Variants in HECW1 observed in about 807,000 individuals in gnomAD.
The protein encoded by HECW1 is HECT, C2 and WW domain containing E3 ubiquitin protein ligase 1.
In HECW1, 61 loss-of-function variants were observed where a neutral mutation model predicts 182.3. The ratio of observed to expected loss-of-function variants is 0.33; its 90% CI spans 0.27 to 0.41. HECW1 has a LOEUF of 0.41. HECW1 is among the 10% of genes least tolerant of loss of function. HECW1 has a pLI of 1.00. For synonymous variants in HECW1, 859 were observed against 832.6 expected (o/e 1.03, Z -0.55); for missense variants, 1,739 against 2,108.9 (o/e 0.82, Z 3.44).
intron 2 of HECW1, among the ~76,000 whole-genome samples, chr7:43,136,593 A>C (rs542747714): frequency 2.0e-5 from 3 of 152,348 alleles, no homozygotes; most frequent in African/African-American, 7.2e-5. Context: ...ATTTTCTGGC[A>C]GTGTATGGCT....
At chr7:43,345,038 G>A (rs531673297) in intron 5 of HECW1, among the ~76,000 whole-genome samples, 1 of 152,212 alleles carries the variant, frequency 6.6e-6, no homozygotes, top group South Asian at 2.1e-4. Flanking sequence ...CATTCCACAG[G>A]CTGTGAAGTA....
intron 22 of HECW1, 93 bp downstream of exon 22, chr7:43,507,350 C>A: frequency 7.9e-7 from 1 of 1,265,032 alleles, no homozygotes; most frequent in Non-Finnish European, 1.1e-6. Context: ...TTGAGACTGG[C>A]TACTCTGGTG....
chr7:43,435,887 G>A (rs1281044526), intron 8 of HECW1, among the ~76,000 whole-genome samples: 8 of 152,160 alleles, frequency 5.3e-5, no homozygotes, highest in African/African-American at 9.7e-5. Context: ...TTGCTAGGCC[G>A]GGCGTGGTGG....
chr7:43,269,304 A>G (rs1584260846), intron 3 of HECW1, among the ~76,000 whole-genome samples: 1 of 152,244 alleles, frequency 6.6e-6, no homozygotes, highest in African/African-American at 2.4e-5. Flanking sequence ...TTGGCCACAG[A>G]ACCCTCACAT....
At chr7:43,559,718 T>G (rs1461272434) in intron 29 of HECW1, among the ~76,000 whole-genome samples, 1 of 152,122 alleles carries the variant, frequency 6.6e-6, no homozygotes, top group Non-Finnish European at 1.5e-5. Context: ...GGGCAATGCT[T>G]GGTTTGGTGC....
chr7:43,457,032 G>T (rs2152889184), intron 13 of HECW1, among the ~76,000 whole-genome samples: 1 of 152,284 alleles, frequency 6.6e-6, no homozygotes, highest in Admixed American at 6.5e-5. Flanking sequence ...AAAAAGAAAT[G>T]TTTACAAGCA....
intron 12 of HECW1, 32 bp downstream of exon 12, chr7:43,450,961 A>C: frequency 1.4e-6 from 2 of 1,407,060 alleles, no homozygotes; most frequent in Non-Finnish European, 2.0e-6. Flanking sequence ...CTGTGTCTTA[A>C]CTCTTCCTAT....
At chr7:43,412,722 C>T (rs1033345752) in intron 8 of HECW1, among the ~76,000 whole-genome samples, 14 of 151,128 alleles carry the variant, frequency 9.3e-5, no homozygotes, top group Middle Eastern at 3.4e-3. Flanking sequence ...TTAGTTCTTG[C>T]GATAGTTTAC....
At chr7:43,132,512 AAG>A (rs1478259004) in intron 2 of HECW1, among the ~76,000 whole-genome samples, 2 of 151,326 alleles carry the variant, frequency 1.3e-5, no homozygotes, top group East Asian at 3.9e-4. Flanking sequence ...TTCTGTGAAC[AAG>A]AGTTTCCTTC....
At chr7:43,525,354 TG>T (rs2080714509) in intron 24 of HECW1, among the ~76,000 whole-genome samples, 1 of 152,196 alleles carries the variant, frequency 6.6e-6, no homozygotes, top group Non-Finnish European at 1.5e-5. Context: ...ATCAATATAT[TG>T]CATTCAAAAG....
At chr7:43,429,289 CATATATATATATATATATAT>C (rs57627873) in intron 8 of HECW1, among the ~76,000 whole-genome samples, 33,425 of 106,788 alleles carry the variant, frequency 0.31, 4,869 homozygotes, top group Non-Finnish European at 0.32. Flanking sequence ...ATATTATATG[CATATATATATATATATATAT>C]ATATATATAT....
At chr7:43,417,401 A>T (rs1000015538) in intron 8 of HECW1, among the ~76,000 whole-genome samples, 1 of 152,020 alleles carries the variant, frequency 6.6e-6, no homozygotes, top group Non-Finnish European at 1.5e-5. Flanking sequence ...ATTTCCCTTC[A>T]TCATGAGCTC....
At chr7:43,488,096 A>G (rs1585058734) in intron 17 of HECW1, among the ~76,000 whole-genome samples, 1 of 152,014 alleles carries the variant, frequency 6.6e-6, no homozygotes, top group East Asian at 1.9e-4. Flanking sequence ...GATCACCTGA[A>G]GTCAGGAGTT....
intron 24 of HECW1, among the ~76,000 whole-genome samples, chr7:43,523,632 G>A (rs575485988): frequency 6.6e-6 from 1 of 151,976 alleles, no homozygotes; most frequent in East Asian, 1.9e-4. Flanking sequence ...AGAGGGAAAC[G>A]CCATCTCGAA....
intron 6 of HECW1, among the ~76,000 whole-genome samples, chr7:43,362,131 CAAAAAA>C (rs34879817): frequency 9.1e-5 from 8 of 87,850 alleles, no homozygotes; most frequent in African/African-American, 3.0e-4. Context: ...AACTCCGTCT[CAAAAAA>C]AAAAAAAAAA....
intron 3 of HECW1, among the ~76,000 whole-genome samples, chr7:43,261,919 C>T (rs964417232): frequency 5.9e-5 from 9 of 151,716 alleles, no homozygotes; most frequent in East Asian, 1.9e-4. Context: ...CCAAATTAGT[C>T]AGTAAAAAAT....
intron 2 of HECW1, among the ~76,000 whole-genome samples, chr7:43,137,960 C>T (rs554115578): frequency 2.0e-5 from 3 of 150,874 alleles, no homozygotes; most frequent in Non-Finnish European, 2.9e-5. Flanking sequence ...TTTAAGATTC[C>T]GGCCATTATA....
At chr7:43,480,577 G>A (rs1237527883) in intron 17 of HECW1, among the ~76,000 whole-genome samples, 2 of 151,950 alleles carry the variant, frequency 1.3e-5, no homozygotes, top group African/African-American at 4.8e-5. Context: ...GGAGTAGGAA[G>A]GAAAGGAATA....
At chr7:43,540,280 G>T (rs183045559) in intron 24 of HECW1, among the ~76,000 whole-genome samples, 1 of 152,126 alleles carries the variant, frequency 6.6e-6, no homozygotes, top group Non-Finnish European at 1.5e-5. Flanking sequence ...CTAAATCCCC[G>T]ATAAGGTGAA....
Sources: allele counts gnomAD v4.1 joint callset (sites outside exome capture counted in the v4.1 genomes callset), GRCh38; gene constraint gnomAD v4.1.1; transcripts MANE v1.5; gene names NCBI Gene and HGNC (gene_info 2026-07-23, HGNC 2026-07-21).